Variants in SPACA7 observed in about 807,000 individuals in gnomAD.
SPACA7 encodes the protein sperm acrosome associated 7.
Under a neutral mutation model 26.3 loss-of-function variants are expected in SPACA7, and 19 were observed. That is an observed-to-expected ratio of 0.72 (90% CI 0.50 to 1.06). The LOEUF (loss-of-function observed/expected upper bound fraction) is 1.06, where lower values mean the gene tolerates loss of function less well. Among genes scored for constraint, SPACA7 ranks in the 50% least tolerant of loss-of-function variants. The pLI, the probability that SPACA7 is intolerant of heterozygous loss-of-function variation, is 0.00. For missense variants in SPACA7, 211 were observed against 229.9 expected (o/e 0.92, Z 0.53); for synonymous variants, 84 against 84.5 (o/e 0.99, Z 0.04).
At chr13:112,398,488 T>C (rs1447556132) in intron 3 of SPACA7, among the ~76,000 whole-genome samples, 12 of 152,108 alleles carry the variant, frequency 7.9e-5, no homozygotes, top group Non-Finnish European at 1.6e-4. Context: ...CACACGCCCA[T>C]GCTCTCACTT....
intron 5 of SPACA7, among the ~76,000 whole-genome samples, chr13:112,417,586 T>C (rs1199351820): frequency 1.3e-5 from 2 of 152,170 alleles, no homozygotes; most frequent in African/African-American, 4.8e-5. Flanking sequence ...ACTCCTTATT[T>C]TTTGTCTTTT....
At chr13:112,392,167 G>A (rs774042534) in intron 1 of SPACA7, among the ~76,000 whole-genome samples, 2 of 152,166 alleles carry the variant, frequency 1.3e-5, no homozygotes, top group Non-Finnish European at 2.9e-5. Context: ...GCCCCAGGAC[G>A]CTGAGACGCC....
Position 112,434,596 on chromosome 13 carries a change from C to A in SPACA7, c.*47C>A. 1 of 1,481,660 alleles carries A rather than the reference C, an allele frequency of 6.7e-7. No individual in the cohort carries two copies. The highest frequency in any genetic ancestry group is 9.3e-7 in the Non-Finnish European group (1 of 1,080,028). The allele number at this position is 1,481,660 out of a possible 1,614,324, so 91.8% of individuals were successfully genotyped here. A position where few individuals can be genotyped will look rare whatever the true frequency, so the allele number is the denominator to read the frequency against. On this transcript the variant is annotated 3_prime_UTR_variant, in exon 7 of 7. Coordinates refer to ENST00000283550, the MANE Select transcript of SPACA7 (RefSeq NM_145248.5). ...GCGCAGGAGAGGAGCCTGCTAGAACCCCCACCCACCAGCCTCCGGAACAGG... is the reference window on the plus strand; with the variant it reads ...GCGCAGGAGAGGAGCCTGCTAGAACACCCACCCACCAGCCTCCGGAACAGG...
chr13:112,418,960 T>A (rs1886854096), intron 5 of SPACA7, among the ~76,000 whole-genome samples: 1 of 151,692 alleles, frequency 6.6e-6, no homozygotes, highest in Non-Finnish European at 1.5e-5. Context: ...GAGGCAGAGG[T>A]TGCAGTGAAC....
chr13:112,410,635 A>G (rs1189166391), intron 5 of SPACA7, among the ~76,000 whole-genome samples: 2 of 152,120 alleles, frequency 1.3e-5, no homozygotes, highest in Non-Finnish European at 2.9e-5. Flanking sequence ...TCCAATTCAG[A>G]CTATTAAAAA....
chr13:112,395,523 T>G (rs1885186006), intron 2 of SPACA7, among the ~76,000 whole-genome samples: 1 of 152,106 alleles, frequency 6.6e-6, no homozygotes, highest in Admixed American at 6.6e-5. Context: ...CAGGGTGAAG[T>G]GCAGTGGCGA....
intron 6 of SPACA7, among the ~76,000 whole-genome samples, chr13:112,434,217 G>A (rs368565372): frequency 7.0e-4 from 106 of 152,314 alleles, no homozygotes; most frequent in African/African-American, 2.1e-3. Flanking sequence ...AGCTCCGCCA[G>A]GCTTGGAGTT....
At chr13:112,402,970 T>A (rs1434342199) in intron 5 of SPACA7, among the ~76,000 whole-genome samples, 1 of 152,104 alleles carries the variant, frequency 6.6e-6, no homozygotes. Context: ...TTTAAACCTA[T>A]CTTTATCAGG....
At chr13:112,391,952 G>T (rs115092016) in intron 1 of SPACA7, among the ~76,000 whole-genome samples, 4 of 152,158 alleles carry the variant, frequency 2.6e-5, no homozygotes, top group African/African-American at 9.7e-5. Flanking sequence ...CTGCATGTGC[G>T]CAGACGAGTC....
At chr13:112,422,437 T>C (rs985823558) in intron 5 of SPACA7, among the ~76,000 whole-genome samples, 1 of 152,208 alleles carries the variant, frequency 6.6e-6, no homozygotes, top group African/African-American at 2.4e-5. Context: ...TTAGCCAAAT[T>C]ACTCAAATTG....
intron 6 of SPACA7, among the ~76,000 whole-genome samples, chr13:112,434,068 G>A (rs184564471): frequency 6.6e-6 from 1 of 152,266 alleles, no homozygotes; most frequent in African/African-American, 2.4e-5. Context: ...AGAAGCCCTG[G>A]AGGTGACAGT....
At chr13:112,382,633 AC>A in intron 1 of SPACA7, 2 of 1,260,314 alleles carry the variant, frequency 1.6e-6, no homozygotes, top group Admixed American at 5.9e-5. Context: ...ATTTAAGTAA[AC>A]AGCATACTAT....
intron 6 of SPACA7, among the ~76,000 whole-genome samples, chr13:112,433,824 C>T (rs1439434801): frequency 1.3e-5 from 2 of 152,272 alleles, no homozygotes; most frequent in Middle Eastern, 3.4e-3. Context: ...GGGCAGTGAG[C>T]GGTCGTTCAA....
At chr13:112,378,643 G>C (rs1479810271) in intron 1 of SPACA7, 1 of 470,446 alleles carries the variant, frequency 2.1e-6, no homozygotes, top group East Asian at 7.0e-5. Context: ...TCTTCCGAAG[G>C]TCTCGAGGTT....
intron 4 of SPACA7, 102 bp downstream of exon 4, chr13:112,399,275 A>T: frequency 1.4e-6 from 1 of 732,246 alleles, no homozygotes; most frequent in South Asian, 1.5e-5. Context: ...TGGAGGATAA[A>T]CCCTTGGTGG....
At chr13:112,433,113 C>T (rs1877341331) in intron 6 of SPACA7, among the ~76,000 whole-genome samples, 1 of 151,726 alleles carries the variant, frequency 6.6e-6, no homozygotes, top group Admixed American at 6.6e-5. Context: ...TCTTGTCCTC[C>T]CGGTATCCCT....
intron 5 of SPACA7, among the ~76,000 whole-genome samples, chr13:112,417,291 G>T (rs1886755828): frequency 6.6e-6 from 1 of 151,834 alleles, no homozygotes; most frequent in African/African-American, 2.4e-5. Flanking sequence ...TTGCCTGCCT[G>T]TATTATATTT....
intron 6 of SPACA7, among the ~76,000 whole-genome samples, chr13:112,433,829 G>A (rs1207458333): frequency 1.3e-5 from 2 of 152,150 alleles, no homozygotes; most frequent in East Asian, 1.9e-4. Flanking sequence ...GTGAGCGGTC[G>A]TTCAAGCTAC....
intron 5 of SPACA7, among the ~76,000 whole-genome samples, chr13:112,408,985 C>T (rs1886170809): frequency 6.6e-6 from 1 of 152,126 alleles, no homozygotes; most frequent in South Asian, 2.1e-4. Context: ...CTACAGTAAC[C>T]AAAACAGCAT....
Sources: gnomAD v4.1 joint callset for allele counts (sites outside exome capture counted in the v4.1 genomes callset) on GRCh38, gnomAD v4.1.1 for gene constraint, MANE v1.5 for transcripts, NCBI Gene and HGNC (gene_info 2026-07-23, HGNC 2026-07-21) for gene names.